Variants in GTF3A observed in about 807,000 individuals in gnomAD.
GTF3A encodes the protein general transcription factor IIIA, also known as transcription factor IIIA.
Under a neutral mutation model 37.6 loss-of-function variants are expected in GTF3A, and 40 were observed. The ratio of observed to expected loss-of-function variants is 1.06; its 90% CI spans 0.83 to 1.38. GTF3A has a LOEUF of 1.38. Ranked by LOEUF, GTF3A falls within the 40% of genes most tolerant of loss-of-function variation. The probability of loss-of-function intolerance (pLI) is 0.00; values close to 1 mark genes in which losing one functional copy is unlikely to be tolerated. For missense variants in GTF3A, 500 were observed against 462.6 expected (o/e 1.08, Z -0.74); for synonymous variants, 191 against 166.7 (o/e 1.15, Z -1.12).
At chr13:27,428,668 G>A (rs941715264) in intron 2 of GTF3A, among the ~76,000 whole-genome samples, 5 of 152,142 alleles carry the variant, frequency 3.3e-5, no homozygotes, top group African/African-American at 1.2e-4. Context: ...TCCCATACCC[G>A]GTTGGGTTAG....
chr13:27,435,032 A>G lies in GTF3A; in HGVS notation c.871A>G (p.Lys291Glu). The G allele has an allele frequency of 6.3e-7, 1 of 1,587,264 alleles. No homozygotes were observed. The highest frequency in any genetic ancestry group is 8.7e-7 in the Non-Finnish European group (1 of 1,155,610). The change falls in exon 7 of 9, where the codon AAA becomes GAA. Residue 291 changes from lysine (K) to glutamate (E), a missense_variant and splice_region_variant. Coordinates refer to ENST00000381140, the MANE Select transcript of GTF3A (RefSeq NM_002097.3). ...TGGCTGTGGCAAAACATTTGCAATG[A>G]AAGTAAGCACTCACCCTCATACTCA...
chr13:27,432,942 C>A, intron 5 of GTF3A, 138 bp downstream of exon 5: 1 of 688,800 alleles, frequency 1.5e-6, no homozygotes, highest in Non-Finnish European at 2.6e-6. Flanking sequence ...GTCTTACACT[C>A]TTGTCCAAAG....
chr13:27,432,984 G>A (rs1190958407), intron 5 of GTF3A, among the ~76,000 whole-genome samples, 180 bp downstream of exon 5: 2 of 152,134 alleles, frequency 1.3e-5, no homozygotes, highest in African/African-American at 4.8e-5. Context: ...TTCCACTACC[G>A]TATCATTGCT....
Position 27,432,726 on chromosome 13 carries a change from T to C in GTF3A, c.489-5T>C, listed in dbSNP as rs1953668500. 1.2e-6 allele frequency: 2 copies of C among 1,601,054 alleles called. No individual in the cohort carries two copies. Among genetic ancestry groups the C allele is most frequent in the East Asian group, 2.2e-5 (1 of 44,524 alleles). On this transcript the variant is annotated splice_region_variant and splice_polypyrimidine_tract_variant and intron_variant, in intron 4 of 8. Coordinates refer to ENST00000381140, the MANE Select transcript of GTF3A (RefSeq NM_002097.3). ...TGGCTAATACCTCATGTGTTGCCAA[T>C]GCAGGTGTACCCAGGAAGGATGTGG...
chr13:27,428,139 C>T (rs1953622965), intron 2 of GTF3A, among the ~76,000 whole-genome samples: 1 of 152,122 alleles, frequency 6.6e-6, no homozygotes. Context: ...TCCACATGGC[C>T]CAAATTTGTC....
intron 5 of GTF3A, 29 bp downstream of exon 5, chr13:27,432,833 G>A (rs773612625): frequency 6.1e-5 from 95 of 1,561,796 alleles, no homozygotes; most frequent in Admixed American, 2.0e-4. Flanking sequence ...GGTGTGCTCC[G>A]AGGGGGATGC....
chr13:27,434,758 G>A lies in GTF3A; in HGVS notation c.644-47G>A, dbSNP rs373304030. 13 of 1,077,526 alleles carry A rather than the reference G, an allele frequency of 1.2e-5. No homozygotes were observed. In the African/African-American group the frequency reaches 1.9e-4, roughly 16 times the overall value. 66.7% of individuals were successfully genotyped at this position (1,077,526 alleles called of 1,614,324 possible). On this transcript the variant is annotated intron_variant, in intron 6 of 8. Coordinates refer to ENST00000381140, the MANE Select transcript of GTF3A (RefSeq NM_002097.3). Reference sequence around the variant, plus strand: ...TATTAGGTATTAATTTTTTCTAAATGGTAATATCTGGGGAAATTTGTGAAA... The same window carrying A: ...TATTAGGTATTAATTTTTTCTAAATAGTAATATCTGGGGAAATTTGTGAAA...
chr13:27,435,387 A>C (rs1953704200), intron 8 of GTF3A, 46 bp from the exon 9 acceptor site: 1 of 1,568,308 alleles, frequency 6.4e-7, no homozygotes, highest in African/African-American at 1.4e-5. Flanking sequence ...TAACTCAGAC[A>C]GTTTTGATTT....
At chr13:27,432,218 CA>C (rs1953663189) in intron 4 of GTF3A, among the ~76,000 whole-genome samples, 1 of 152,198 alleles carries the variant, frequency 6.6e-6, no homozygotes, top group South Asian at 2.1e-4. Flanking sequence ...GGAGTTGCTG[CA>C]GTGACCTTGC....
At chr13:27,433,708 C>A (rs759753982) in intron 5 of GTF3A, among the ~76,000 whole-genome samples, 12 of 151,836 alleles carry the variant, frequency 7.9e-5, no homozygotes, top group Admixed American at 3.3e-4. Flanking sequence ...AGTATGTTTG[C>A]TGAGGAAAAT....
intron 5 of GTF3A, 22 bp downstream of exon 5, chr13:27,432,826 G>T: frequency 6.3e-7 from 1 of 1,577,380 alleles, no homozygotes; most frequent in Non-Finnish European, 8.6e-7. Flanking sequence ...TAGCCTGGGT[G>T]TGCTCCGAGG....
Position 27,434,200 on chromosome 13 carries a change from T to C in GTF3A, c.624T>C (p.His208=), listed in dbSNP as rs376973261. ...AAACATGGACGGAACTTCTGAAACA[T>C]GTGAGAGAAACCCATAAAGGTAAGG... The change falls in exon 6 of 9, where the codon CAT becomes CAC. Residue 208 remains histidine (H), a synonymous_variant. Coordinates refer to ENST00000381140, the MANE Select transcript of GTF3A (RefSeq NM_002097.3). The C allele has an allele frequency of 2.1e-5, 28 of 1,326,670 alleles. No homozygotes were observed. The highest frequency in any genetic ancestry group is 3.6e-4 in the Middle Eastern group (2 of 5,530). The allele number at this position is 1,326,670 out of a possible 1,614,324, so 82.2% of individuals were successfully genotyped here. A position where few individuals can be genotyped will look rare whatever the true frequency, so the allele number is the denominator to read the frequency against.
chr13:27,435,588 C>G lies in GTF3A; in HGVS notation c.1089C>G (p.Thr363=), dbSNP rs373979050. The G allele has an allele frequency of 1.2e-6, 2 of 1,613,506 alleles. No individual in the cohort carries two copies. Among genetic ancestry groups the G allele is most frequent in the African/African-American group, 2.7e-5 (2 of 74,924 alleles). The change falls in exon 9 of 9, where the codon ACC becomes ACG. Residue 363 remains threonine (T), a synonymous_variant. Transcript: ENST00000381140. ...TGCTCTCGACAGTTGCAGTACTTACCCTTGGCTAAGAACTGCACTGCTTTG... is the reference window on the plus strand; with the variant it reads ...TGCTCTCGACAGTTGCAGTACTTACGCTTGGCTAAGAACTGCACTGCTTTG...
chr13:27,435,812 T>C lies in GTF3A; in HGVS notation c.*215T>C. ...GCACGAAGAACACACATTAAAGCTT[T>C]TCCTCCTTGAACAGCTTGTGGCCTA... On this transcript the variant is annotated 3_prime_UTR_variant, in exon 9 of 9. Transcript: ENST00000381140. 6.2e-7 allele frequency: 1 copy of C among 1,614,192 alleles called. No homozygotes were observed. The highest frequency in any genetic ancestry group is 1.1e-5 in the South Asian group (1 of 91,084).
intron 2 of GTF3A, 26 bp from the exon 3 acceptor site, chr13:27,429,840 TAATA>T (rs1223963530): frequency 9.8e-6 from 12 of 1,229,366 alleles, no homozygotes; most frequent in Non-Finnish European, 1.4e-5. Context: ...CTTGGTTTAT[TAATA>T]TTTTGGTTTA....
Position 27,434,464 on chromosome 13 carries a change from G to C in GTF3A, c.643+245G>C, listed in dbSNP as rs146926117. On this transcript the variant is annotated intron_variant, in intron 6 of 8. Coordinates refer to ENST00000381140, the MANE Select transcript of GTF3A (RefSeq NM_002097.3). Reference sequence around the variant, plus strand: ...AGGTCTGTAGTGAAGAATTTCGGGAGGCACTGCTGTTCTGTGGGACCGCCT... The same window carrying C: ...AGGTCTGTAGTGAAGAATTTCGGGACGCACTGCTGTTCTGTGGGACCGCCT... Among the ~76,000 whole-genome samples the C allele has an allele frequency of 5.3e-5, 8 of 152,328 alleles. No individual in the cohort carries two copies. The East Asian group carries it at 1.5e-3, about 29-fold the overall frequency.
intron 5 of GTF3A, 84 bp from the exon 6 acceptor site, chr13:27,434,055 A>G: frequency 1.4e-6 from 1 of 718,994 alleles, no homozygotes; most frequent in African/African-American, 1.8e-5. Flanking sequence ...GGAAAATTAT[A>G]TAGGCACCTA....
chr13:27,434,041 G>A, intron 5 of GTF3A, 98 bp from the exon 6 acceptor site: 1 of 698,856 alleles, frequency 1.4e-6, no homozygotes, highest in East Asian at 2.5e-5. Flanking sequence ...ATTAGGCGGG[G>A]AATGGAAAAT....
Position 27,435,162 on chromosome 13 carries a change from T to G in GTF3A, c.903T>G (p.His301Gln). 1 of 1,606,040 alleles carries G rather than the reference T, an allele frequency of 6.2e-7. No individual in the cohort carries two copies. Among genetic ancestry groups the G allele is most frequent in the Non-Finnish European group, 8.5e-7 (1 of 1,177,664 alleles). ...GTCTCACTAGGCATGCTGTTGTACA[T>G]GATCCTGACAAGAAGAAAATGAAGC... The change falls in exon 8 of 9, where the codon CAT becomes CAG. Residue 301 changes from histidine to glutamine, a missense_variant. Transcript: ENST00000381140.
Sources: allele counts gnomAD v4.1 joint callset (sites outside exome capture counted in the v4.1 genomes callset), GRCh38; gene constraint gnomAD v4.1.1; transcripts MANE v1.5; gene names NCBI Gene and HGNC (gene_info 2026-07-23, HGNC 2026-07-21).